The following CTNNA2 variants were observed in gnomAD, a reference collection of about 807,000 sequenced individuals.
CTNNA2 encodes catenin alpha-2.
In CTNNA2, 42 loss-of-function variants were observed where a neutral mutation model predicts 101.0. The ratio of observed to expected loss-of-function variants is 0.42; its 90% CI spans 0.32 to 0.54. The LOEUF is 0.54. Among genes scored for constraint, CTNNA2 ranks in the 20% least tolerant of loss-of-function variants. The probability of loss-of-function intolerance (pLI) is 0.14; values close to 1 mark genes in which losing one functional copy is unlikely to be tolerated. For missense variants in CTNNA2, 871 were observed against 1,223.1 expected, an observed-to-expected ratio of 0.71 and a Z score of 4.29; for synonymous variants, 450 against 456.4, an observed-to-expected ratio of 0.99 and a Z score of 0.18.
At chr2:79,871,584 G>T (rs1682583294) in intron 5 of CTNNA2, among the ~76,000 whole-genome samples, 1 of 152,050 alleles carries the variant, frequency 6.6e-6, no homozygotes, top group African/African-American at 2.4e-5. Context: ...TTCTGTCGTT[G>T]CCCCCAGCCG....
At chr2:79,905,569 T>G (rs1441629315) in intron 6 of CTNNA2, among the ~76,000 whole-genome samples, 1 of 152,168 alleles carries the variant, frequency 6.6e-6, no homozygotes, top group Non-Finnish European at 1.5e-5. Flanking sequence ...CTTAAAGTAT[T>G]CTTCTGTGAC....
At chr2:79,837,555 A>T (rs1244657139) in intron 3 of CTNNA2, among the ~76,000 whole-genome samples, 1 of 152,160 alleles carries the variant, frequency 6.6e-6, no homozygotes, top group Non-Finnish European at 1.5e-5. Context: ...TGTGCCAATG[A>T]TCTCTCAAAT....
intron 18 of CTNNA2, among the ~76,000 whole-genome samples, chr2:80,634,356 C>G (rs748645227): frequency 2.0e-5 from 3 of 152,036 alleles, no homozygotes; most frequent in African/African-American, 4.8e-5. Context: ...GGGAGCAAGC[C>G]TTACAGGTAT....
chr2:79,729,962 A>G (rs1408654532), intron 2 of CTNNA2, among the ~76,000 whole-genome samples: 3 of 152,176 alleles, frequency 2.0e-5, no homozygotes, highest in Non-Finnish European at 4.4e-5. Flanking sequence ...TGTTTTTAAA[A>G]TGGAGTATGT....
chr2:79,438,122 G>A (rs1201755695), intron 4 of CTNNA2, among the ~76,000 whole-genome samples: 3 of 149,314 alleles, frequency 2.0e-5, no homozygotes. Context: ...CTAGCAGCAG[G>A]GTCTGGCTTA....
chr2:80,484,199 G>A (rs12622669), intron 9 of CTNNA2, among the ~76,000 whole-genome samples: 1,951 of 151,954 alleles, frequency 0.013, 29 homozygotes, highest in East Asian at 0.079. Flanking sequence ...ACTTATGTGT[G>A]GAATTCTGAA....
At chr2:79,380,290 A>G (rs1461200078) in intron 4 of CTNNA2, among the ~76,000 whole-genome samples, 3 of 151,492 alleles carry the variant, frequency 2.0e-5, no homozygotes, top group Non-Finnish European at 4.4e-5. Flanking sequence ...AAGAATGAAC[A>G]AGACCCAGGT....
chr2:79,746,637 A>G (rs1363763912), intron 3 of CTNNA2, among the ~76,000 whole-genome samples: 1 of 152,190 alleles, frequency 6.6e-6, no homozygotes, highest in Admixed American at 6.5e-5. Flanking sequence ...TATCTGTTTA[A>G]TGGACCACTT....
intron 4 of CTNNA2, among the ~76,000 whole-genome samples, chr2:79,376,714 C>A (rs1406743562): frequency 2.0e-5 from 3 of 152,068 alleles, no homozygotes; most frequent in East Asian, 3.9e-4. Flanking sequence ...CAATTCCCAC[C>A]TATGAGTGAG....
At chr2:79,917,725 G>C (rs1479915436) in intron 7 of CTNNA2, among the ~76,000 whole-genome samples, 5 of 152,184 alleles carry the variant, frequency 3.3e-5, no homozygotes, top group Non-Finnish European at 7.3e-5. Flanking sequence ...GGGATATGTT[G>C]GCTGGTGCTG....
intron 4 of CTNNA2, among the ~76,000 whole-genome samples, chr2:79,862,660 G>T (rs10198985): frequency 0.013 from 2,054 of 152,236 alleles, 63 homozygotes; most frequent in African/African-American, 0.047. Flanking sequence ...ATTAGGTGCT[G>T]ACCATATGCA....
At chr2:79,836,373 AT>A (rs1679365788) in intron 3 of CTNNA2, among the ~76,000 whole-genome samples, 1 of 152,136 alleles carries the variant, frequency 6.6e-6, no homozygotes, top group South Asian at 2.1e-4. Flanking sequence ...TGGCTGAATT[AT>A]TTTTCAGTGC....
At chr2:79,277,404 A>C (rs1457791558) in intron 2 of CTNNA2, among the ~76,000 whole-genome samples, 1 of 152,042 alleles carries the variant, frequency 6.6e-6, no homozygotes, top group Admixed American at 6.6e-5. Flanking sequence ...TGATTCCTAC[A>C]TCAAGGGACA....
chr2:79,295,159 T>A lies in CTNNA2; in HGVS notation c.-405-17550T>A, dbSNP rs138709098. Reference sequence around the variant, plus strand: ...TTCACATTCTGTGACATTCCATCAGTCTAGCACCTGCAACCATTGTCTCCT... The same window carrying A: ...TTCACATTCTGTGACATTCCATCAGACTAGCACCTGCAACCATTGTCTCCT... On this transcript the variant is annotated intron_variant, in intron 2 of 21. Coordinates refer to the CTNNA2 transcript ENST00000466387. 2.0e-3 allele frequency among the ~76,000 whole-genome samples: 307 copies of A among 152,264 alleles called. 2 individuals carry two copies. Among genetic ancestry groups the A allele is most frequent in the African/African-American group, 7.1e-3 (297 of 41,574 alleles).
At chr2:79,862,009 T>G (rs1300842800) in intron 4 of CTNNA2, among the ~76,000 whole-genome samples, 1 of 152,190 alleles carries the variant, frequency 6.6e-6, no homozygotes, top group Non-Finnish European at 1.5e-5. Flanking sequence ...GAATCCTGCA[T>G]GTCAATCAGT....
chr2:79,956,843 G>GTTTTTTTTTCTT (rs1689257907), intron 7 of CTNNA2, among the ~76,000 whole-genome samples: 2 of 98,936 alleles, frequency 2.0e-5, no homozygotes, highest in African/African-American at 9.4e-5. Context: ...ATACGTGTGG[G>GTTTTTTTTTCTT]TTTTTTTTTT....
At chr2:79,998,975 G>A (rs1692742550) in intron 7 of CTNNA2, among the ~76,000 whole-genome samples, 2 of 152,034 alleles carry the variant, frequency 1.3e-5, no homozygotes, top group Admixed American at 1.3e-4. Flanking sequence ...ATACTCACTA[G>A]GACATTAGGG....
chr2:79,814,086 G>A (rs1214771514), intron 3 of CTNNA2, among the ~76,000 whole-genome samples: 1 of 152,092 alleles, frequency 6.6e-6, no homozygotes, highest in Admixed American at 6.6e-5. Flanking sequence ...AAGGACAGCA[G>A]TCACTTAAGA....
intron 7 of CTNNA2, among the ~76,000 whole-genome samples, chr2:80,123,827 G>C (rs2148882627): frequency 6.6e-6 from 1 of 152,154 alleles, no homozygotes; most frequent in East Asian, 1.9e-4. Context: ...AGGTCCTATG[G>C]CAATATGGGG....
Sources: gnomAD v4.1 joint callset for allele counts (sites outside exome capture counted in the v4.1 genomes callset) on GRCh38, gnomAD v4.1.1 for gene constraint, MANE v1.5 for transcripts, NCBI Gene and HGNC (gene_info 2026-07-23, HGNC 2026-07-21) for gene names.